The following MARCHF8 variants were observed in gnomAD, a reference collection of about 807,000 sequenced individuals.
MARCHF8 encodes membrane associated ring-CH-type finger 8, also known as E3 ubiquitin-protein ligase MARCHF8.
A neutral mutation model predicts 51.6 loss-of-function variants in MARCHF8; 40 were observed. The ratio of observed to expected loss-of-function variants is 0.77; its 90% CI spans 0.60 to 1.01. The LOEUF (loss-of-function observed/expected upper bound fraction) is 1.01. MARCHF8 is among the 50% of genes least tolerant of loss of function. The pLI is 0.00. For synonymous variants in MARCHF8, 263 were observed against 280.3 expected, an observed-to-expected ratio of 0.94 and a Z score of 0.62; for missense variants, 685 against 708.6, an observed-to-expected ratio of 0.97 and a Z score of 0.38.
At chr10:45,550,219 G>A (rs1443286260) in intron 1 of MARCHF8, among the ~76,000 whole-genome samples, 1 of 152,132 alleles carries the variant, frequency 6.6e-6, no homozygotes, top group Non-Finnish European at 1.5e-5. Flanking sequence ...GGAAAAAGGT[G>A]CTCAACTCTA....
In MARCHF8 at chr10:45,555,727, T is replaced by C. The variant is rs1411545293; in HGVS notation, c.-78-22438A>G. 1.9e-4 allele frequency among the ~76,000 whole-genome samples: 28 copies of C among 148,514 alleles called. No individual in the cohort carries two copies. The East Asian group carries it at 3.9e-3, about 21-fold the overall frequency. On this transcript the variant is annotated intron_variant, in intron 1 of 6. Transcript: ENST00000319836. ...CCACTGCACTCCAGCCTGAGCGACA[T>C]TGTAAGACCCTGTCTCAAAAAAAAA...
At chr10:45,512,278 C>T (rs1216767924) in intron 2 of MARCHF8, among the ~76,000 whole-genome samples, 22 of 149,204 alleles carry the variant, frequency 1.5e-4, no homozygotes, top group Admixed American at 5.3e-4. Flanking sequence ...GGAGCCCCTA[C>T]GCCCGGCAGC....
chr10:45,503,951 C>T (rs1414760397), intron 2 of MARCHF8, among the ~76,000 whole-genome samples: 3 of 152,054 alleles, frequency 2.0e-5, no homozygotes, highest in Non-Finnish European at 2.9e-5. Context: ...AGTAAATTCG[C>T]AGTTACCAAG....
chr10:45,538,711 A>T (rs941613060), upstream of MARCHF8, among the ~76,000 whole-genome samples: 2 of 152,210 alleles, frequency 1.3e-5, no homozygotes, highest in African/African-American at 4.8e-5. Context: ...AGATCAAAGG[A>T]GACAAAGAAG....
intron 3 of MARCHF8, among the ~76,000 whole-genome samples, chr10:45,466,834 T>C (rs1159692532): frequency 6.6e-6 from 1 of 152,176 alleles, no homozygotes; most frequent in East Asian, 1.9e-4. Flanking sequence ...AAGTGTACTC[T>C]GGGGTAACGA....
At chr10:45,549,431 G>C (rs888005035) in intron 1 of MARCHF8, among the ~76,000 whole-genome samples, 2 of 152,208 alleles carry the variant, frequency 1.3e-5, no homozygotes, top group Admixed American at 6.5e-5. Flanking sequence ...AGGGAAGGCA[G>C]GGCCTTCTCC....
At chr10:45,486,262 A>G (rs778075361) in intron 3 of MARCHF8, among the ~76,000 whole-genome samples, 6 of 152,190 alleles carry the variant, frequency 3.9e-5, no homozygotes, top group Non-Finnish European at 8.8e-5. Flanking sequence ...AACAGCACAC[A>G]GTAAAAATGT....
chr10:45,514,179 A>G (rs1431122894), intron 2 of MARCHF8, among the ~76,000 whole-genome samples: 1 of 152,244 alleles, frequency 6.6e-6, no homozygotes, highest in Non-Finnish European at 1.5e-5. Flanking sequence ...TTGAAAATGA[A>G]ATTAAAATTA....
chr10:45,544,177 T>A (rs2044091925), intron 1 of MARCHF8, among the ~76,000 whole-genome samples: 1 of 152,202 alleles, frequency 6.6e-6, no homozygotes. Context: ...CTAGAATGGC[T>A]ACAACCAAAA....
At chr10:45,570,910 CA>C (rs2044421231) in intron 1 of MARCHF8, among the ~76,000 whole-genome samples, 1 of 152,040 alleles carries the variant, frequency 6.6e-6, no homozygotes, top group Non-Finnish European at 1.5e-5. Context: ...CTGAAAACCA[CA>C]AAACACTGCT....
chr10:45,492,297 CTTTT>C (rs1011617258), intron 2 of MARCHF8, among the ~76,000 whole-genome samples: 1 of 146,742 alleles, frequency 6.8e-6, no homozygotes, highest in African/African-American at 2.5e-5. Flanking sequence ...TCTTCTTCTT[CTTTT>C]TTTTTTTCTT....
At chr10:45,547,070 T>A (rs866958187) in intron 1 of MARCHF8, among the ~76,000 whole-genome samples, 1 of 151,940 alleles carries the variant, frequency 6.6e-6, no homozygotes, top group East Asian at 1.9e-4. Context: ...ACCAAAAAAA[T>A]TCAGATCATT....
intron 2 of MARCHF8, among the ~76,000 whole-genome samples, chr10:45,503,952 A>C (rs2043330957): frequency 6.6e-6 from 1 of 152,224 alleles, no homozygotes; most frequent in Non-Finnish European, 1.5e-5. Flanking sequence ...GTAAATTCGC[A>C]GTTACCAAGG....
chr10:45,501,238 A>C (rs1299827178), intron 2 of MARCHF8, among the ~76,000 whole-genome samples: 4 of 152,084 alleles, frequency 2.6e-5, no homozygotes, highest in Non-Finnish European at 4.4e-5. Context: ...TCCTAAAAGA[A>C]TAAAAAAACT....
intron 3 of MARCHF8, among the ~76,000 whole-genome samples, chr10:45,476,508 C>A (rs2042789697): frequency 6.6e-6 from 1 of 152,204 alleles, no homozygotes; most frequent in Non-Finnish European, 1.5e-5. Context: ...TTGGAAGCTG[C>A]AGTTAGCTAT....
At chr10:45,548,565 G>A (rs1379999159) in intron 1 of MARCHF8, among the ~76,000 whole-genome samples, 6 of 152,284 alleles carry the variant, frequency 3.9e-5, no homozygotes, top group African/African-American at 1.4e-4. Flanking sequence ...CTTGGTAATA[G>A]AATGCAAAAA....
At chr10:45,515,278 A>C (rs989307665) in intron 2 of MARCHF8, among the ~76,000 whole-genome samples, 2 of 152,008 alleles carry the variant, frequency 1.3e-5, no homozygotes, top group Admixed American at 6.6e-5. Context: ...CAGTCCAATC[A>C]CCTGTAATGT....
chr10:45,490,420 A>T (rs2043060461), intron 2 of MARCHF8, among the ~76,000 whole-genome samples: 1 of 152,208 alleles, frequency 6.6e-6, no homozygotes, highest in Non-Finnish European at 1.5e-5. Context: ...ACACACACAG[A>T]TAAAAGACAA....
chr10:45,470,554 C>A (rs1256092770), intron 3 of MARCHF8, among the ~76,000 whole-genome samples: 1 of 152,208 alleles, frequency 6.6e-6, no homozygotes, highest in Non-Finnish European at 1.5e-5. Flanking sequence ...TGCCACACAA[C>A]ACAACATGAT....
Sources: gnomAD v4.1 joint callset for allele counts (sites outside exome capture counted in the v4.1 genomes callset) on GRCh38, gnomAD v4.1.1 for gene constraint, MANE v1.5 for transcripts, NCBI Gene and HGNC (gene_info 2026-07-23, HGNC 2026-07-21) for gene names.